RNF11: variants seen among roughly 807,000 people sequenced by gnomAD.
RNF11 encodes the protein ring finger protein 11.
A neutral mutation model predicts 15.8 loss-of-function variants in RNF11; 4 were observed. The ratio of observed to expected loss-of-function variants is 0.25; its 90% CI spans 0.12 to 0.58. RNF11 has a LOEUF of 0.58. RNF11 is among the 20% of genes least tolerant of loss of function. The pLI is 0.91. For missense variants in RNF11, 139 were observed against 194.4 expected (o/e 0.71, Z 1.70); for synonymous variants, 68 against 72.3 (o/e 0.94, Z 0.30).
Position 51,236,420 on chromosome 1 carries a change from G to T in RNF11, c.-337G>T. On this transcript the variant is annotated 5_prime_UTR_variant, in exon 1 of 3. Transcript: ENST00000242719. ...CGCGACGGCCGCGCCCCCCCCCGCT[G>T]ACCTGGATTAGGCCCAGCAGCTCCG... 1 of 172,238 alleles carries T rather than the reference G, an allele frequency of 5.8e-6. No homozygotes were observed. 10.7% of individuals were successfully genotyped at this position (172,238 alleles called of 1,614,324 possible).
chr1:51,271,290 G>A lies in RNF11; in HGVS notation c.433G>A (p.Ala145Thr). The A allele has an allele frequency of 6.2e-7, 1 of 1,614,086 alleles. No individual in the cohort carries two copies. The highest frequency in any genetic ancestry group is 8.5e-7 in the Non-Finnish European group (1 of 1,179,978). Residue 145 changes from alanine to threonine, a missense_variant, in exon 3 of 3, where the codon GCA becomes ACA. By Grantham distance (58) the Ala-to-Thr change is moderately conservative. Coordinates refer to ENST00000242719, the MANE Select transcript of RNF11 (RefSeq NM_014372.5). The part of the protein sequence containing the change: ...TCPSCMEPVD[A>T]ALLSSYETN ...CCCCTCCTGCATGGAGCCAGTTGAT[G>A]CAGCACTGCTTTCATCCTATGAGAC...
At chr1:51,264,642 T>G (rs1215056542) in intron 1 of RNF11, among the ~76,000 whole-genome samples, 1 of 152,182 alleles carries the variant, frequency 6.6e-6, no homozygotes, top group Non-Finnish European at 1.5e-5. Context: ...TATTTCCTAC[T>G]GGAGGAAAAG....
intron 1 of RNF11, among the ~76,000 whole-genome samples, chr1:51,248,857 C>G (rs1465024547): frequency 2.6e-5 from 4 of 152,040 alleles, no homozygotes; most frequent in Admixed American, 2.6e-4. Flanking sequence ...TTCACAGGTT[C>G]CACATCCTCT....
chr1:51,261,590 A>C (rs1212831515), intron 1 of RNF11, among the ~76,000 whole-genome samples: 1 of 152,202 alleles, frequency 6.6e-6, no homozygotes, highest in East Asian at 1.9e-4. Context: ...CCCAGGATGG[A>C]GTGCAGTGGC....
chr1:51,257,843 C>A (rs1055186540), intron 1 of RNF11, among the ~76,000 whole-genome samples: 1 of 111,890 alleles, frequency 8.9e-6, no homozygotes, highest in Non-Finnish European at 1.8e-5. Context: ...TATTTCTTTT[C>A]TTTTCTTTTC....
chr1:51,242,612 G>A (rs2148065050), intron 1 of RNF11, among the ~76,000 whole-genome samples: 1 of 152,224 alleles, frequency 6.6e-6, no homozygotes, highest in East Asian at 1.9e-4. Flanking sequence ...AGCATGCAAT[G>A]CTATAATGTT....
At chr1:51,239,809 G>C (rs1646820628) in intron 1 of RNF11, among the ~76,000 whole-genome samples, 1 of 152,202 alleles carries the variant, frequency 6.6e-6, no homozygotes. Context: ...ATGTTCTCTT[G>C]AGGTGAGTAG....
rs1569690200 is a variant in RNF11 at position 51,271,204 on chromosome 1, C to T, written c.347C>T (p.Pro116Leu). 1.2e-6 allele frequency: 2 copies of T among 1,613,996 alleles called. No individual in the cohort carries two copies. Among genetic ancestry groups the T allele is most frequent in the Non-Finnish European group, 8.5e-7 (1 of 1,179,892 alleles). Residue 116 changes from proline to leucine, a missense_variant, in exon 3 of 3, where the codon CCG (proline) becomes CTG (leucine). Physicochemically the swap from Pro to Leu is moderately conservative, Grantham distance 98 (BLOSUM62 -3). Transcript: ENST00000242719. Reference protein sequence around the residue: ...FVYGDPIRFLPCMHIYHLDCI... With the variant: ...FVYGDPIRFLLCMHIYHLDCI... ...TATGGGGACCCAATTCGATTTCTGC[C>T]GTGCATGCACATCTATCACCTGGAC...
chr1:51,271,583 G>A lies in RNF11; in HGVS notation c.*261G>A, dbSNP rs1325093364. On this transcript the variant is annotated 3_prime_UTR_variant, in exon 3 of 3. Coordinates refer to ENST00000242719, the MANE Select transcript of RNF11 (RefSeq NM_014372.5). ...GTATTTAGATCTTGTTATTGCTCCA[G>A]TACATAGGAATTGTGTAAAGTGTTA... The A allele has an allele frequency of 3.4e-6, 1 of 295,632 alleles. No individual in the cohort carries two copies. Among genetic ancestry groups the A allele is most frequent in the Non-Finnish European group, 6.4e-6 (1 of 156,568 alleles). 18.3% of individuals were successfully genotyped at this position (295,632 alleles called of 1,614,324 possible).
intron 1 of RNF11, among the ~76,000 whole-genome samples, chr1:51,268,049 G>A (rs1465440446): frequency 6.6e-6 from 1 of 152,124 alleles, no homozygotes; most frequent in African/African-American, 2.4e-5. Context: ...TTTTAAAATT[G>A]TTGTTTTTAT....
intron 1 of RNF11, among the ~76,000 whole-genome samples, chr1:51,254,207 GT>G (rs202051413): frequency 4.8e-4 from 72 of 150,076 alleles, no homozygotes; most frequent in Admixed American, 1.0e-3. Context: ...TTAGGTTATA[GT>G]TTTTTTTTTA....
At chr1:51,256,930 T>G (rs767184886) in intron 1 of RNF11, among the ~76,000 whole-genome samples, 1 of 152,206 alleles carries the variant, frequency 6.6e-6, no homozygotes, top group Admixed American at 6.5e-5. Flanking sequence ...CGCCTTGGCT[T>G]TCCAAAGTGC....
chr1:51,239,992 C>G (rs1338638817), intron 1 of RNF11, among the ~76,000 whole-genome samples: 1 of 152,122 alleles, frequency 6.6e-6, no homozygotes. Context: ...TATTTCTTTC[C>G]ATGGTTTCTT....
intron 1 of RNF11, 82 bp downstream of exon 1, chr1:51,236,961 C>CT: frequency 6.7e-7 from 1 of 1,502,404 alleles, no homozygotes; most frequent in South Asian, 1.3e-5. Flanking sequence ...GTCTCTGCCC[C>CT]TGGCTTCGGC....
At chr1:51,264,517 C>G (rs939452684) in intron 1 of RNF11, among the ~76,000 whole-genome samples, 1 of 151,786 alleles carries the variant, frequency 6.6e-6, no homozygotes, top group Non-Finnish European at 1.5e-5. Flanking sequence ...TCTTAAATGT[C>G]AGTCTGGCAA....
At chr1:51,256,641 G>T (rs902781603) in intron 1 of RNF11, among the ~76,000 whole-genome samples, 2 of 152,064 alleles carry the variant, frequency 1.3e-5, no homozygotes, top group African/African-American at 4.8e-5. Context: ...TTATCAAACT[G>T]TCACCCTAAG....
intron 1 of RNF11, among the ~76,000 whole-genome samples, chr1:51,241,506 T>G (rs1245511227): frequency 6.6e-6 from 1 of 152,190 alleles, no homozygotes; most frequent in African/African-American, 2.4e-5. Context: ...CAGCAATTGG[T>G]TTACACTAAG....
In RNF11 at chr1:51,271,256, C is replaced by T; in HGVS notation, c.399C>T (p.Ser133=). ...LDCIDDWLMR[S]FTCPSCMEPV... ...GTATAGATGACTGGTTGATGAGATCCTTCACGTGCCCCTCCTGCATGGAGC... is the reference window on the plus strand; with the variant it reads ...GTATAGATGACTGGTTGATGAGATCTTTCACGTGCCCCTCCTGCATGGAGC... The change falls in exon 3 of 3, where the codon TCC becomes TCT. Residue 133 remains serine, a synonymous_variant. Coordinates refer to ENST00000242719, the MANE Select transcript of RNF11 (RefSeq NM_014372.5). 1 of 1,614,108 alleles carries T rather than the reference C, an allele frequency of 6.2e-7. No homozygotes were observed. The highest frequency in any genetic ancestry group is 8.5e-7 in the Non-Finnish European group (1 of 1,179,996).
At chr1:51,237,418 G>GTGTGTGTATATATATATA (rs1191186523) in intron 1 of RNF11, among the ~76,000 whole-genome samples, 2 of 140,374 alleles carry the variant, frequency 1.4e-5, no homozygotes, top group East Asian at 4.0e-4. Flanking sequence ...TTACTTGTGT[G>GTGTGTGTATATATATATA]TGTGTGTATA....
Sources: gnomAD v4.1 joint callset for allele counts (sites outside exome capture counted in the v4.1 genomes callset) on GRCh38, gnomAD v4.1.1 for gene constraint, MANE v1.5 for transcripts, NCBI Gene and HGNC (gene_info 2026-07-23, HGNC 2026-07-21) for gene names.